Variants in SPTB observed in about 807,000 individuals in gnomAD.
The protein encoded by SPTB is spectrin beta chain, erythrocytic.
A neutral mutation model predicts 256.2 loss-of-function variants in SPTB; 45 were observed. The ratio of observed to expected loss-of-function variants is 0.18; its 90% confidence interval spans 0.14 to 0.23. The LOEUF is 0.23. Ranked by LOEUF, SPTB falls within the 10% of genes least tolerant of loss-of-function variation. The probability of loss-of-function intolerance (pLI) is 1.00; values close to 1 mark genes in which losing one functional copy is unlikely to be tolerated. For synonymous variants in SPTB, 1,231 were observed against 1,243.1 expected (o/e 0.99, Z 0.21); for missense variants, 2,715 against 3,040.4 (o/e 0.89, Z 2.52).
chr14:64,798,467 C>T (rs1429805162), intron 9 of SPTB, among the ~76,000 whole-genome samples: 2 of 152,208 alleles, frequency 1.3e-5, no homozygotes, highest in African/African-American at 4.8e-5. Flanking sequence ...ATATGGGGTA[C>T]AGGCTCCAGG....
chr14:64,763,741 G>T (rs1248655755), intron 32 of SPTB: 1 of 518,930 alleles, frequency 1.9e-6, no homozygotes, highest in Non-Finnish European at 3.8e-6. Context: ...TCTTCTGCCT[G>T]GCCTCCCATG....
chr14:64,869,911 T>C (rs766234711), intron 1 of SPTB, among the ~76,000 whole-genome samples: 14 of 151,786 alleles, frequency 9.2e-5, no homozygotes, highest in East Asian at 1.9e-4. Flanking sequence ...ATTATAGGCA[T>C]GAGCTGATGT....
rs2082705919 is a variant in SPTB, at chr14:64,793,208, C to T, written c.2455G>A (p.Val819Met). The T allele has an allele frequency of 2.5e-6, 4 of 1,612,368 alleles. No individual in the cohort carries two copies. The highest frequency in any genetic ancestry group is 2.2e-5 in the East Asian group (1 of 44,902). Residue 819 changes from valine (V) to methionine (M), a missense_variant, in exon 14 of 36, where the codon GTG (valine) becomes ATG (methionine). Val to Met is a conservative substitution (Grantham distance 21, BLOSUM62 1). Around this residue, in one of 4 missense-constraint regions of SPTB, gnomAD observed 2,239 missense variants for 2,384.4 expected, o/e 0.94. Coordinates refer to ENST00000644917, the MANE Select transcript of SPTB (RefSeq NM_001355436.2). The surrounding 1 kb of genome is among the most constrained non-coding windows in gnomAD (Gnocchi z 7.0). ...CGCAGGGCCTGCAGCCGATGGGTCACATCTGGGGAATCCCGAAACTCTTCG... is the reference window on the plus strand; with the variant it reads ...CGCAGGGCCTGCAGCCGATGGGTCATATCTGGGGAATCCCGAAACTCTTCG... ...FPEEFRDSPD[V>M]THRLQALREL...
In SPTB at chr14:64,786,649, T is replaced by A; in HGVS notation, c.3316A>T (p.Ile1106Phe). 6.2e-7 allele frequency: 1 copy of A among 1,614,136 alleles called. No individual in the cohort carries two copies. The highest frequency in any genetic ancestry group is 8.5e-7 in the Non-Finnish European group (1 of 1,179,992). The change falls in exon 16 of 36, where the codon ATC becomes TTC. Residue 1106 changes from isoleucine to phenylalanine, a missense_variant. By Grantham distance (21) the Ile-to-Phe change is conservative (BLOSUM62 0). Coordinates refer to ENST00000644917, the MANE Select transcript of SPTB (RefSeq NM_001355436.2). The surrounding 1 kb of genome is among the most constrained non-coding windows in gnomAD (Gnocchi z 5.6). ...AEQLLQQHAG[I>F]KDEIDGHQDS... ...TGGTGCCCGTCAATCTCATCCTTGA[T>A]ACCTGCATGCTGCTGCAGGAGCTGC...
chr14:64,750,165 G>GCAGA lies in SPTB; in HGVS notation c.6603-15_6603-12dup, dbSNP rs764989874. The GCAGA allele has an allele frequency of 7.6e-5, 122 of 1,608,752 alleles. No individual in the cohort carries two copies. The highest frequency in any genetic ancestry group is 1.0e-4 in the Non-Finnish European group (117 of 1,175,726). On this transcript the variant is annotated splice_polypyrimidine_tract_variant and intron_variant, in intron 33 of 35. Coordinates refer to ENST00000644917, the MANE Select transcript of SPTB (RefSeq NM_001355436.2). Reference sequence around the variant, plus strand: ...AGGTTGTTCCAGGACCTGCAAAGATGCAGACAGGCAGGTCACCCACATCCT... The same window carrying GCAGA: ...AGGTTGTTCCAGGACCTGCAAAGATGCAGACAGACAGGCAGGTCACCCACATCCT...
At position 64,825,982 on chromosome 14, in the gene SPTB, GTTT is replaced by G. The variant is rs1057118951; in HGVS notation, c.-51-2840_-51-2838del. ...CTAAATATACAGCTGGAGGGTTTTT[GTTT>G]TTGTTTTTGTTTTGGAAAGAGTCAG... is the stretch of plus-strand genomic sequence containing the variant. On this transcript the variant is annotated intron_variant, in intron 1 of 35. Transcript: ENST00000644917. This position sits in a 1 kb window ranked among gnomAD's most constrained non-coding sequence, Gnocchi z 4.8. Among the ~76,000 whole-genome samples the G allele has an allele frequency of 5.9e-5, 9 of 151,720 alleles. No homozygotes were observed. The highest frequency in any genetic ancestry group is 2.9e-5 in the Non-Finnish European group (2 of 68,016).
Position 64,795,362 on chromosome 14 carries a change from C to G in SPTB, c.1619G>C (p.Ser540Thr). 1 of 1,612,202 alleles carries G rather than the reference C, an allele frequency of 6.2e-7. No individual in the cohort carries two copies. Among genetic ancestry groups the G allele is most frequent in the Non-Finnish European group, 8.5e-7 (1 of 1,180,006 alleles). The change falls in exon 12 of 36, where the codon AGC (serine) becomes ACC (threonine). Residue 540 changes from serine (S) to threonine (T), a missense_variant. Ser to Thr is a moderately conservative substitution (Grantham distance 58, BLOSUM62 1). Around this residue, in one of 4 missense-constraint regions of SPTB, gnomAD observed 2,239 missense variants for 2,384.4 expected, o/e 0.94. Coordinates refer to ENST00000644917, the MANE Select transcript of SPTB (RefSeq NM_001355436.2). This position sits in a 1 kb window ranked among gnomAD's most constrained non-coding sequence, Gnocchi z 6.5. The stretch of plus-strand genomic sequence containing the variant: ...CTTGATCTCATCCATCCAGTCGATG[C>G]TGTGCAGCATGTCCTGGAAGAGCTT... ...LQKLFQDMLH[S>T]IDWMDEIKAH...
chr14:64,779,908 C>T lies in SPTB; in HGVS notation c.4290G>A (p.Val1430=), dbSNP rs1192968355. The part of the protein sequence containing the change: ...KLKRVEDQVN[V]RKEELGELFA... ...ACAGCTCCCCCAGCTCCTCTTTTCG[C>T]ACATTCACTTGGTCCTCCACTCGCT... Residue 1430 remains valine (V), a synonymous_variant, in exon 21 of 36, where the codon GTG becomes GTA. Coordinates refer to ENST00000644917, the MANE Select transcript of SPTB (RefSeq NM_001355436.2). The surrounding 1 kb of genome is among the most constrained non-coding windows in gnomAD (Gnocchi z 4.2). 6.8e-6 allele frequency: 11 copies of T among 1,613,810 alleles called. No individual in the cohort carries two copies. The highest frequency in any genetic ancestry group is 9.3e-6 in the Non-Finnish European group (11 of 1,179,894).
At chr14:64,836,985 G>A (rs574889585) in intron 1 of SPTB, among the ~76,000 whole-genome samples, 3 of 152,336 alleles carry the variant, frequency 2.0e-5, no homozygotes, top group South Asian at 2.1e-4. Flanking sequence ...AGGCTATTCA[G>A]CACCTTCAAA....
In SPTB at chr14:64,792,904, C is replaced by T; in HGVS notation, c.2666+93G>A. ...ACATCCCAGGGCCTCTCAAAGAGAC[C>T]TTTGCTGATCCAGAGACTATTACCA... On this transcript the variant is annotated intron_variant, in intron 14 of 35. Coordinates refer to ENST00000644917, the MANE Select transcript of SPTB (RefSeq NM_001355436.2). This position sits in a 1 kb window ranked among gnomAD's most constrained non-coding sequence, Gnocchi z 4.2. 8 of 1,576,580 alleles carry T rather than the reference C, an allele frequency of 5.1e-6. No homozygotes were observed. Among genetic ancestry groups the T allele is most frequent in the Non-Finnish European group, 6.9e-6 (8 of 1,152,340 alleles).
At chr14:64,787,191 G>C (rs1196984598) in intron 15 of SPTB, 31 bp from the exon 16 acceptor site, 1 of 1,600,168 alleles carries the variant, frequency 6.2e-7, no homozygotes, top group East Asian at 2.2e-5. Context: ...CCGGAGGAGA[G>C]AGACACCTTC....
In SPTB at chr14:64,823,467, G is replaced by A. The variant is rs758349648; in HGVS notation, c.-51-322C>T. On this transcript the variant is annotated intron_variant, in intron 1 of 35. Transcript: ENST00000644917. This position sits in a 1 kb window ranked among gnomAD's most constrained non-coding sequence, Gnocchi z 6.5. The stretch of plus-strand genomic sequence containing the variant: ...GCCGCCCCGCCGCGGGGAGCACCCC[G>A]GGAGAGAGGAAGCTCTCCTGGGAGC... Among the ~76,000 whole-genome samples, 2 of 152,156 alleles carry A rather than the reference G, an allele frequency of 1.3e-5. No individual in the cohort carries two copies. The highest frequency in any genetic ancestry group is 2.9e-5 in the Non-Finnish European group (2 of 68,028).
intron 20 of SPTB, among the ~76,000 whole-genome samples, 171 bp downstream of exon 20, chr14:64,782,119 T>C (rs1404673042): frequency 2.0e-5 from 3 of 152,126 alleles, no homozygotes; most frequent in Non-Finnish European, 4.4e-5. Context: ...GTATTGAGCT[T>C]AAAACCTGGG....
Position 64,784,366 on chromosome 14 carries a change from G to T in SPTB, c.3883C>A (p.Leu1295Met). 6.2e-7 allele frequency: 1 copy of T among 1,614,274 alleles called. No individual in the cohort carries two copies. The highest frequency in any genetic ancestry group is 1.1e-5 in the South Asian group (1 of 91,092). Reference sequence around the variant, plus strand: ...TCATAGGAGACATCCTGAGATGTCAGCAGCTTGTCGTTGATCCAGAGAGTG... The same window carrying T: ...TCATAGGAGACATCCTGAGATGTCATCAGCTTGTCGTTGATCCAGAGAGTG... ...ELTLWINDKL[L>M]TSQDVSYDEA... Residue 1295 changes from leucine (L) to methionine (M), a missense_variant, in exon 19 of 36, where the codon CTG becomes ATG. Leu to Met is a conservative substitution (Grantham distance 15). Transcript: ENST00000644917.
In SPTB at chr14:64,764,875, C is replaced by T. The variant is rs1337640227; in HGVS notation, c.6345+1851G>A. ...CAGTCCACCACAGACAGGGAGGCGA[C>T]CCCACATGCGATGACGGGAGCTTCG... On this transcript the variant is annotated intron_variant, in intron 32 of 35. Coordinates refer to ENST00000644917, the MANE Select transcript of SPTB (RefSeq NM_001355436.2). This position sits in a 1 kb window ranked among gnomAD's most constrained non-coding sequence, Gnocchi z 4.2. Among the ~76,000 whole-genome samples the T allele has an allele frequency of 6.6e-6, 1 of 152,232 alleles. No homozygotes were observed. Among genetic ancestry groups the T allele is most frequent in the Non-Finnish European group, 1.5e-5 (1 of 68,016 alleles).
intron 1 of SPTB, among the ~76,000 whole-genome samples, chr14:64,870,716 C>T (rs1186267113): frequency 6.6e-6 from 1 of 152,212 alleles, no homozygotes; most frequent in African/African-American, 2.4e-5. Flanking sequence ...ATTAAAATTG[C>T]ATGGACGGGT....
intron 33 of SPTB, among the ~76,000 whole-genome samples, chr14:64,753,298 G>A (rs2081976754): frequency 6.6e-6 from 1 of 152,184 alleles, no homozygotes; most frequent in Non-Finnish European, 1.5e-5. Flanking sequence ...ATTTAAAGAG[G>A]TTGAGTAACT....
rs761749318 is a variant in SPTB, at chr14:64,795,457, G to A, written c.1524C>T (p.Arg508=). ...RITARKDNIL[R]LWSYLQELLQ... ...GCAGCTCCTGCAGGTAGCTCCATAG[G>A]CGCAGTATATTGTCCTTGCGGGCCG... Residue 508 remains arginine, a synonymous_variant, in exon 12 of 36, where the codon CGC becomes CGT. Transcript: ENST00000644917. This position sits in a 1 kb window ranked among gnomAD's most constrained non-coding sequence, Gnocchi z 6.5. The A allele has an allele frequency of 4.3e-6, 7 of 1,614,094 alleles. No homozygotes were observed. In the South Asian group the frequency reaches 5.5e-5, roughly 13 times the overall value.
Position 64,764,727 on chromosome 14 carries a change from G to A in SPTB, c.6345+1999C>T, listed in dbSNP as rs950513951. On this transcript the variant is annotated intron_variant, in intron 32 of 35. Transcript: ENST00000644917. The surrounding 1 kb of genome is among the most constrained non-coding windows in gnomAD (Gnocchi z 4.2). The stretch of plus-strand genomic sequence containing the variant: ...CCGCCACATGCAGACACACAGGGAC[G>A]CATGGCAGAAGCAGGCGGGGGCAGG... Among the ~76,000 whole-genome samples the A allele has an allele frequency of 6.6e-6, 1 of 152,210 alleles. No individual in the cohort carries two copies. Among genetic ancestry groups the A allele is most frequent in the African/African-American group, 2.4e-5 (1 of 41,450 alleles).
Sources: gnomAD v4.1 joint callset for allele counts (sites outside exome capture counted in the v4.1 genomes callset) on GRCh38, gnomAD v4.1.1 for gene constraint, gnomAD v4.1.1 regional missense constraint, Gnocchi (gnomAD v3.1) non-coding constraint, MANE v1.5 for transcripts, NCBI Gene and HGNC (gene_info 2026-07-23, HGNC 2026-07-21) for gene names.